NRAP: variants seen among roughly 807,000 people sequenced by gnomAD.
NRAP encodes the protein nebulin related anchoring protein.
A neutral mutation model predicts 225.9 loss-of-function variants in NRAP; 189 were observed. The ratio of observed to expected loss-of-function variants is 0.84; its 90% CI spans 0.74 to 0.94. The LOEUF is 0.94. NRAP is among the 40% of genes least tolerant of loss of function. The probability of loss-of-function intolerance (pLI) is 0.00; values close to 1 mark genes in which losing one functional copy is unlikely to be tolerated. For missense variants in NRAP, 2,176 were observed against 2,168.7 expected (o/e 1.00, Z -0.07); for synonymous variants, 769 against 790.7 (o/e 0.97, Z 0.46).
At chr10:113,596,220 C>A (rs1846280080) in intron 37 of NRAP, among the ~76,000 whole-genome samples, 1 of 152,130 alleles carries the variant, frequency 6.6e-6, no homozygotes, top group South Asian at 2.1e-4. Flanking sequence ...TTTCATAGCC[C>A]ACCTGGATCA....
chr10:113,618,275 A>G (rs1847785100), intron 25 of NRAP, among the ~76,000 whole-genome samples: 2 of 152,348 alleles, frequency 1.3e-5, no homozygotes, highest in Middle Eastern at 3.4e-3. Flanking sequence ...GACAGAAACC[A>G]TAATTACTTC....
rs1449110384 is a variant in NRAP at position 113,598,076 on chromosome 10, G to T, written c.4228-3C>A. On this transcript the variant is annotated splice_region_variant and splice_polypyrimidine_tract_variant and intron_variant, in intron 35 of 41. Coordinates refer to ENST00000359988, the MANE Select transcript of NRAP (RefSeq NM_198060.4). ...ATCAGGTCTGACTTGTAGCGCAACT[G>T]CAGGGAAAAAAATCATGGGCTTTAT... The T allele has an allele frequency of 2.1e-5, 34 of 1,603,078 alleles. No homozygotes were observed. Among genetic ancestry groups the T allele is most frequent in the Non-Finnish European group, 2.1e-5 (25 of 1,170,528 alleles).
At chr10:113,613,219 C>T (rs1847437710) in intron 29 of NRAP, among the ~76,000 whole-genome samples, 1 of 152,014 alleles carries the variant, frequency 6.6e-6, no homozygotes, top group Non-Finnish European at 1.5e-5. Flanking sequence ...CATATCCAAC[C>T]TCATATTCTT....
intron 12 of NRAP, among the ~76,000 whole-genome samples, chr10:113,641,720 CA>C (rs1298176530): frequency 6.6e-6 from 1 of 152,140 alleles, no homozygotes; most frequent in African/African-American, 2.4e-5. Context: ...ATAGACAGCA[CA>C]AAACAGACTT....
chr10:113,625,997 C>A, intron 21 of NRAP, 50 bp downstream of exon 21: 2 of 1,349,366 alleles, frequency 1.5e-6, no homozygotes. Flanking sequence ...GGAGGTCCCC[C>A]AGGCCCATGA....
rs749073135 is a variant in NRAP, at chr10:113,615,826, G to A, written c.2974-10C>T. 4 of 1,495,288 alleles carry A rather than the reference G, an allele frequency of 2.7e-6. No homozygotes were observed. The highest frequency in any genetic ancestry group is 3.7e-6 in the Non-Finnish European group (4 of 1,072,246). 92.6% of individuals were successfully genotyped at this position (1,495,288 alleles called of 1,614,324 possible). ...GTTCCCTGTATAATCTCTGTGGATG[G>A]AAGGAGGTTTTGCATGAAACCTAGA... is the stretch of plus-strand genomic sequence containing the variant. On this transcript the variant is annotated splice_polypyrimidine_tract_variant and intron_variant, in intron 26 of 41. Transcript: ENST00000359988.
intron 12 of NRAP, among the ~76,000 whole-genome samples, chr10:113,642,212 C>A (rs558089714): frequency 6.6e-6 from 1 of 152,150 alleles, no homozygotes; most frequent in East Asian, 1.9e-4. Flanking sequence ...CTATTATCAT[C>A]CCCATTTTAG....
chr10:113,663,551 AT>A (rs1294520436), intron 1 of NRAP, 105 bp from the exon 2 acceptor site: 10 of 758,106 alleles, frequency 1.3e-5, no homozygotes, highest in Admixed American at 2.7e-5. Context: ...TAAAATGCTG[AT>A]TTTAAAAAAA....
intron 37 of NRAP, among the ~76,000 whole-genome samples, chr10:113,596,856 C>T (rs965829234): frequency 4.6e-5 from 7 of 152,268 alleles, no homozygotes; most frequent in South Asian, 2.1e-4. Flanking sequence ...TTATCCTCCC[C>T]GAAACCCCAA....
At chr10:113,655,223 G>A (rs960359914) in intron 4 of NRAP, among the ~76,000 whole-genome samples, 2 of 152,118 alleles carry the variant, frequency 1.3e-5, no homozygotes, top group African/African-American at 4.8e-5. Context: ...CTGCCTTTGG[G>A]AGTATAAAAT....
chr10:113,631,955 T>C lies in NRAP; in HGVS notation c.1642A>G (p.Lys548Glu). Residue 548 changes from lysine (K) to glutamate (E), a missense_variant, in exon 17 of 42, where the codon AAA becomes GAA. Around this residue, in one of 3 missense-constraint regions of NRAP, gnomAD observed 1,708 missense variants for 1,695.5 expected, o/e 1.01. Coordinates refer to ENST00000359988, the MANE Select transcript of NRAP (RefSeq NM_198060.4). ...NAKLFSEVKY[K>E]EGWEKTKGKG... is the part of the protein sequence containing the mutation. ...CCCTTTGTCTTCTCCCAGCCTTCTT[T>C]ATACTTAACCTGACAAACAAAACCA... The C allele has an allele frequency of 6.2e-7, 1 of 1,601,670 alleles. No homozygotes were observed. The highest frequency in any genetic ancestry group is 8.6e-7 in the Non-Finnish European group (1 of 1,168,560).
At chr10:113,641,539 A>G (rs1849203231) in intron 12 of NRAP, 67 bp from the exon 13 acceptor site, 2 of 865,536 alleles carry the variant, frequency 2.3e-6, no homozygotes, top group African/African-American at 1.7e-5. Flanking sequence ...TAAACTACTC[A>G]TCTTAATGCA....
At chr10:113,646,324 T>C (rs374276175) in intron 10 of NRAP, among the ~76,000 whole-genome samples, 1 of 152,246 alleles carries the variant, frequency 6.6e-6, no homozygotes, top group East Asian at 1.9e-4. Flanking sequence ...GGTGCTGTTA[T>C]GGGTCAATGG....
At chr10:113,627,822 A>G (rs1848367115) in intron 20 of NRAP, among the ~76,000 whole-genome samples, 1 of 152,270 alleles carries the variant, frequency 6.6e-6, no homozygotes, top group Non-Finnish European at 1.5e-5. Flanking sequence ...TGGGAATATT[A>G]ATAGGCTAAT....
intron 25 of NRAP, among the ~76,000 whole-genome samples, chr10:113,618,240 T>A (rs973371298): frequency 2.0e-5 from 3 of 152,234 alleles, no homozygotes; most frequent in African/African-American, 7.2e-5. Flanking sequence ...ATTTCTTTTT[T>A]AAAAATCAAG....
At chr10:113,634,427 G>T (rs548367776) in intron 14 of NRAP, among the ~76,000 whole-genome samples, 1 of 152,246 alleles carries the variant, frequency 6.6e-6, no homozygotes, top group African/African-American at 2.4e-5. Flanking sequence ...TAAAAGAGGT[G>T]AATTAACTGG....
At chr10:113,641,509 C>G (rs1256790358) in intron 12 of NRAP, 37 bp from the exon 13 acceptor site, 1 of 1,245,148 alleles carries the variant, frequency 8.0e-7, no homozygotes, top group African/African-American at 1.5e-5. Context: ...CAAAGCATTC[C>G]CTTCACAAGT....
intron 20 of NRAP, among the ~76,000 whole-genome samples, chr10:113,627,119 C>A (rs1848329763): frequency 6.6e-6 from 1 of 152,176 alleles, no homozygotes; most frequent in Admixed American, 6.5e-5. Context: ...ACTGGAAACT[C>A]CAAATTTTCT....
chr10:113,649,691 A>G (rs1183402948), intron 9 of NRAP, among the ~76,000 whole-genome samples: 1 of 152,236 alleles, frequency 6.6e-6, no homozygotes. Context: ...TTTGATCTCT[A>G]TGTTGCTTAT....
Sources: gnomAD v4.1 joint callset for allele counts (sites outside exome capture counted in the v4.1 genomes callset) on GRCh38, gnomAD v4.1.1 for gene constraint, gnomAD v4.1.1 regional missense constraint, MANE v1.5 for transcripts, NCBI Gene and HGNC (gene_info 2026-07-23, HGNC 2026-07-21) for gene names.